PLPPR1: variants seen among roughly 807,000 people sequenced by gnomAD.
PLPPR1 encodes the protein phospholipid phosphatase related 1, also known as phospholipid phosphatase-related protein type 1.
PLPPR1 carries 10 observed loss-of-function variants against 33.1 expected under a neutral mutation model. The ratio of observed to expected loss-of-function variants is 0.30; its 90% CI spans 0.19 to 0.51. PLPPR1 has a LOEUF of 0.51. PLPPR1 is among the 20% of genes least tolerant of loss of function. The pLI is 0.97. For synonymous variants in PLPPR1, 151 were observed against 151.0 expected (o/e 1.00, Z 0.00); for missense variants, 304 against 408.1 (o/e 0.74, Z 2.20).
intron 1 of PLPPR1, among the ~76,000 whole-genome samples, chr9:101,094,190 A>T (rs559144906): frequency 1.3e-5 from 2 of 152,272 alleles, no homozygotes; most frequent in East Asian, 3.9e-4. Flanking sequence ...GTGGCTCCCT[A>T]TTACCCATGG....
At chr9:101,033,297 G>A (rs758920964) in intron 1 of PLPPR1, among the ~76,000 whole-genome samples, 6 of 152,206 alleles carry the variant, frequency 3.9e-5, no homozygotes, top group Non-Finnish European at 8.8e-5. Flanking sequence ...TTGACCATTG[G>A]TAGCTGGATT....
intron 2 of PLPPR1, among the ~76,000 whole-genome samples, chr9:101,253,275 T>C (rs748836809): frequency 1.3e-5 from 2 of 151,852 alleles, no homozygotes; most frequent in Non-Finnish European, 2.9e-5. Context: ...TGGCCAGGCA[T>C]GGTGGTTCAT....
chr9:101,171,978 A>ATTCT (rs10661976), intron 1 of PLPPR1, among the ~76,000 whole-genome samples: 84,047 of 151,456 alleles, frequency 0.55, 24,136 homozygotes, highest in Non-Finnish European at 0.62. Flanking sequence ...CTCACGTCTC[A>ATTCT]TTCTTATCTT....
rs549455338 is a variant in PLPPR1 at position 101,317,516 on chromosome 9, G to A, written c.945+20G>A. The A allele has an allele frequency of 1.8e-5, 29 of 1,609,182 alleles. No individual in the cohort carries two copies. Among genetic ancestry groups the A allele is most frequent in the Non-Finnish European group, 2.4e-5 (28 of 1,178,126 alleles). On this transcript the variant is annotated intron_variant, in intron 7 of 7. Transcript: ENST00000374874. ...GCACAGGTATGGTAAAGCAGTTTTA[G>A]CAAACCAAACCCACAGGCTGAACAC...
chr9:101,088,250 A>G (rs1830702143), intron 1 of PLPPR1, among the ~76,000 whole-genome samples: 1 of 152,300 alleles, frequency 6.6e-6, no homozygotes, highest in East Asian at 1.9e-4. Flanking sequence ...AATTTGTGGT[A>G]AGAGTACAGA....
chr9:101,273,014 C>T (rs1418530901), intron 3 of PLPPR1, among the ~76,000 whole-genome samples: 1 of 152,136 alleles, frequency 6.6e-6, no homozygotes, highest in East Asian at 1.9e-4. Context: ...ATACACAATA[C>T]CAGACTGGTT....
chr9:101,071,765 G>A (rs1215726571), intron 1 of PLPPR1, among the ~76,000 whole-genome samples: 2 of 152,074 alleles, frequency 1.3e-5, no homozygotes, highest in African/African-American at 2.4e-5. Flanking sequence ...AAAGCATGAA[G>A]GCAAACAATC....
intron 4 of PLPPR1, among the ~76,000 whole-genome samples, chr9:101,287,248 T>G (rs1828408004): frequency 6.6e-6 from 1 of 152,162 alleles, no homozygotes; most frequent in South Asian, 2.1e-4. Context: ...AGAATAAAAG[T>G]TTTTGCAGAT....
At position 101,324,218 on chromosome 9, in the gene PLPPR1, G is replaced by A; in HGVS notation, c.*161G>A. ...TTTGTATGAGGAAGTGATGTAGCTT[G>A]CCCTGATTTTTTTTTTTTTTTTTTG... On this transcript the variant is annotated 3_prime_UTR_variant, in exon 8 of 8. Coordinates refer to ENST00000374874, the MANE Select transcript of PLPPR1 (RefSeq NM_207299.2). The A allele has an allele frequency of 1.3e-5, 6 of 465,350 alleles. No homozygotes were observed. In the South Asian group the frequency reaches 2.4e-4, roughly 19 times the overall value. 28.8% of individuals were successfully genotyped at this position (465,350 alleles called of 1,614,324 possible). A position where few individuals can be genotyped will look rare whatever the true frequency, so the allele number is the denominator to read the frequency against.
chr9:101,043,324 C>CGT (rs1395670586), intron 1 of PLPPR1, among the ~76,000 whole-genome samples: 1 of 149,780 alleles, frequency 6.7e-6, no homozygotes, highest in Non-Finnish European at 1.5e-5. Flanking sequence ...TATATACACA[C>CGT]GTGTATATAT....
chr9:101,170,342 C>T (rs1183652445), intron 1 of PLPPR1, among the ~76,000 whole-genome samples: 1 of 152,076 alleles, frequency 6.6e-6, no homozygotes, highest in Non-Finnish European at 1.5e-5. Flanking sequence ...GGAGGCCTCA[C>T]AATCATGGCA....
At chr9:101,209,447 T>A (rs2118764048) in intron 2 of PLPPR1, among the ~76,000 whole-genome samples, 1 of 152,364 alleles carries the variant, frequency 6.6e-6, no homozygotes, top group East Asian at 1.9e-4. Flanking sequence ...TCCTTATCTA[T>A]CACTCCCTTT....
chr9:101,280,767 T>C (rs1168813828), intron 3 of PLPPR1, among the ~76,000 whole-genome samples: 1 of 152,086 alleles, frequency 6.6e-6, no homozygotes, highest in Admixed American at 6.5e-5. Flanking sequence ...AGAAGGAACA[T>C]ACCTCAACAC....
intron 1 of PLPPR1, among the ~76,000 whole-genome samples, chr9:101,124,527 C>T (rs926901296): frequency 1.3e-5 from 2 of 151,968 alleles, no homozygotes; most frequent in African/African-American, 4.8e-5. Flanking sequence ...CACAAGCATA[C>T]CCTCACCTCC....
intron 2 of PLPPR1, among the ~76,000 whole-genome samples, chr9:101,207,915 A>G (rs1055213039): frequency 2.0e-5 from 3 of 152,180 alleles, no homozygotes; most frequent in African/African-American, 7.2e-5. Flanking sequence ...GAAAAGCTAG[A>G]GGTCCTATTC....
At chr9:101,258,020 AG>A (rs1210695134) in intron 2 of PLPPR1, among the ~76,000 whole-genome samples, 8 of 152,168 alleles carry the variant, frequency 5.3e-5, no homozygotes, top group Non-Finnish European at 1.0e-4. Context: ...TGTTAGAACA[AG>A]GGAAAGGCTA....
At chr9:101,181,342 A>G (rs1288328922) in intron 1 of PLPPR1, among the ~76,000 whole-genome samples, 1 of 151,164 alleles carries the variant, frequency 6.6e-6, no homozygotes, top group Non-Finnish European at 1.5e-5. Flanking sequence ...GAGAAAAAAA[A>G]ATGCTTGTGC....
intron 1 of PLPPR1, chr9:101,185,148 T>C (rs1234901541): frequency 4.4e-6 from 1 of 225,362 alleles, no homozygotes; most frequent in Non-Finnish European, 8.5e-6. Context: ...ATTAGGGCAG[T>C]CTACTGGGGT....
rs182743986 is a variant in PLPPR1 at position 101,039,802 on chromosome 9, A to G, written c.-46+10700A>G. On this transcript the variant is annotated intron_variant, in intron 1 of 7. Transcript: ENST00000374874. ...TAACTATCGTGAGAACAGCACAGGA[A>G]AAATCCACCCCATAATTTAGTCACC... Among the ~76,000 whole-genome samples, 12 of 152,192 alleles carry G rather than the reference A, an allele frequency of 7.9e-5. No homozygotes were observed. The East Asian group carries it at 2.3e-3, about 30-fold the overall frequency.
Sources: allele counts gnomAD v4.1 joint callset (sites outside exome capture counted in the v4.1 genomes callset), GRCh38; gene constraint gnomAD v4.1.1; transcripts MANE v1.5; gene names NCBI Gene and HGNC (gene_info 2026-07-23, HGNC 2026-07-21).